LRMDA: variants seen among roughly 807,000 people sequenced by gnomAD.
LRMDA encodes leucine-rich melanocyte differentiation-associated protein.
A neutral mutation model predicts 29.8 loss-of-function variants in LRMDA; 18 were observed. The observed-to-expected ratio is 0.60, with a 90% CI of 0.42 to 0.90. The LOEUF (loss-of-function observed/expected upper bound fraction) is 0.90. Ranked by LOEUF, LRMDA falls within the 40% of genes least tolerant of loss-of-function variation. LRMDA has a pLI of 0.00. For synonymous variants in LRMDA, 125 were observed against 109.4 expected (o/e 1.14, Z -0.89); for missense variants, 273 against 273.9 (o/e 1.00, Z 0.02).
intron 6 of LRMDA, among the ~76,000 whole-genome samples, chr10:76,453,421 T>C (rs1483792046): frequency 6.6e-6 from 1 of 152,204 alleles, no homozygotes; most frequent in Non-Finnish European, 1.5e-5. Flanking sequence ...TTATATGACA[T>C]ACAGAGTCTT....
chr10:75,585,251 G>C (rs1414383861), intron 2 of LRMDA, among the ~76,000 whole-genome samples: 1 of 152,188 alleles, frequency 6.6e-6, no homozygotes, highest in Non-Finnish European at 1.5e-5. Flanking sequence ...GAATCATATA[G>C]CATATTGCTC....
At chr10:76,058,605 G>A in intron 4 of LRMDA, 61 bp from the exon 5 acceptor site, 2 of 1,347,598 alleles carry the variant, frequency 1.5e-6, no homozygotes, top group Non-Finnish European at 2.1e-6. Context: ...CAGACAAGCT[G>A]TCGGGATCTC....
intron 2 of LRMDA, among the ~76,000 whole-genome samples, chr10:75,706,987 G>T (rs1233757567): frequency 1.3e-5 from 2 of 152,160 alleles, no homozygotes; most frequent in African/African-American, 4.8e-5. Flanking sequence ...CTTTTGTAGT[G>T]ATTGTTGTTC....
At chr10:75,602,718 T>C (rs1025610524) in intron 2 of LRMDA, among the ~76,000 whole-genome samples, 3 of 152,210 alleles carry the variant, frequency 2.0e-5, no homozygotes, top group South Asian at 4.1e-4. Context: ...ACAAAGTAAT[T>C]TGTGTCTTTG....
At chr10:75,967,678 T>C (rs1846887801) in intron 2 of LRMDA, among the ~76,000 whole-genome samples, 1 of 151,692 alleles carries the variant, frequency 6.6e-6, no homozygotes, top group East Asian at 1.9e-4. Context: ...CTGCACAGTA[T>C]GAAGCCAGCG....
intron 2 of LRMDA, among the ~76,000 whole-genome samples, chr10:75,446,754 C>T (rs1844401338): frequency 6.6e-6 from 1 of 152,166 alleles, no homozygotes; most frequent in African/African-American, 2.4e-5. Flanking sequence ...CCTGATATTC[C>T]ATAGGCTAAA....
intron 2 of LRMDA, among the ~76,000 whole-genome samples, chr10:75,887,160 A>G (rs544371836): frequency 7.5e-4 from 112 of 150,178 alleles, no homozygotes; most frequent in African/African-American, 2.5e-3. Context: ...TAAATGTAAT[A>G]TTTATATATA....
chr10:76,538,577 T>C (rs60559860), intron 6 of LRMDA, among the ~76,000 whole-genome samples: 10,374 of 148,106 alleles, frequency 0.07, 521 homozygotes, highest in African/African-American at 0.13. Flanking sequence ...CACACACATA[T>C]ACAGTATATC....
intron 3 of LRMDA, among the ~76,000 whole-genome samples, chr10:76,038,126 C>T (rs764270608): frequency 4.6e-5 from 7 of 152,148 alleles, no homozygotes; most frequent in Non-Finnish European, 7.3e-5. Context: ...CCCAGGTCTC[C>T]GTAGAATATT....
At chr10:76,403,410 G>T (rs1841869770) in intron 6 of LRMDA, 1 of 151,664 alleles carries the variant, frequency 6.6e-6, no homozygotes, top group South Asian at 2.1e-4. Context: ...TGCATGCCTG[G>T]GCCCACCCGT....
At chr10:76,442,752 T>TA (rs1842316535) in intron 6 of LRMDA, among the ~76,000 whole-genome samples, 1 of 152,170 alleles carries the variant, frequency 6.6e-6, no homozygotes, top group Non-Finnish European at 1.5e-5. Context: ...ATCTTAAAAA[T>TA]CAGTTGATTT....
At chr10:75,655,414 C>A (rs566205517) in intron 2 of LRMDA, among the ~76,000 whole-genome samples, 43 of 152,346 alleles carry the variant, frequency 2.8e-4, no homozygotes, top group African/African-American at 7.5e-4. Flanking sequence ...TTGCCAGTTC[C>A]CTTGGCAGGT....
intron 2 of LRMDA, among the ~76,000 whole-genome samples, chr10:75,789,687 T>C (rs981007004): frequency 1.5e-4 from 23 of 152,222 alleles, no homozygotes; most frequent in Non-Finnish European, 2.8e-4. Flanking sequence ...TAAATGTTCT[T>C]TTTCTCTCCC....
chr10:75,675,262 T>C (rs1841945667), intron 2 of LRMDA, among the ~76,000 whole-genome samples: 2 of 152,248 alleles, frequency 1.3e-5, no homozygotes, highest in African/African-American at 2.4e-5. Flanking sequence ...ATCTTAATTG[T>C]ACATTTACTA....
chr10:76,389,986 A>C (rs993767946), intron 6 of LRMDA, among the ~76,000 whole-genome samples: 1 of 152,080 alleles, frequency 6.6e-6, no homozygotes, highest in Non-Finnish European at 1.5e-5. Context: ...CTTGTTTCCG[A>C]TTCTTCTGAG....
chr10:75,834,458 C>G (rs1263826515), intron 2 of LRMDA, among the ~76,000 whole-genome samples: 1 of 152,170 alleles, frequency 6.6e-6, no homozygotes, highest in African/African-American at 2.4e-5. Context: ...CTAATTTTAA[C>G]CTTCTTTGCA....
chr10:76,510,351 G>A lies in LRMDA; in HGVS notation c.602-46858G>A, dbSNP rs145898862. 5.3e-5 allele frequency among the ~76,000 whole-genome samples: 8 copies of A among 152,262 alleles called. No individual in the cohort carries two copies. The East Asian group carries it at 9.7e-4, about 18-fold the overall frequency. On this transcript the variant is annotated intron_variant, in intron 6 of 6. Coordinates refer to ENST00000611255, the MANE Select transcript of LRMDA (RefSeq NM_001305581.2). The stretch of plus-strand genomic sequence containing the variant: ...CTCCCAAAGTGCTGGGATTACAGGC[G>A]TGAGCCACCACCCCCAGCCGCCCTA...
chr10:76,528,270 A>G (rs1446479476), intron 6 of LRMDA, among the ~76,000 whole-genome samples: 1 of 152,158 alleles, frequency 6.6e-6, no homozygotes, highest in Non-Finnish European at 1.5e-5. Context: ...TCATTATCCA[A>G]CTAGATAAGA....
chr10:76,541,120 C>T (rs1843349289), intron 6 of LRMDA, among the ~76,000 whole-genome samples: 1 of 152,102 alleles, frequency 6.6e-6, no homozygotes, highest in African/African-American at 2.4e-5. Context: ...TCATTTGGCT[C>T]CTATGTATAT....
Sources: allele counts gnomAD v4.1 joint callset (sites outside exome capture counted in the v4.1 genomes callset), GRCh38; gene constraint gnomAD v4.1.1; transcripts MANE v1.5; gene names NCBI Gene and HGNC (gene_info 2026-07-23, HGNC 2026-07-21).